Variants in CADM2 observed in about 807,000 individuals in gnomAD.
CADM2 encodes cell adhesion molecule 2, also known as immunoglobulin superfamily member 4D.
CADM2 carries 12 observed loss-of-function variants against 49.8 expected under a neutral mutation model. The ratio of observed to expected loss-of-function variants is 0.24; its 90% CI spans 0.15 to 0.39. The LOEUF (loss-of-function observed/expected upper bound fraction) is 0.39. CADM2 is among the 10% of genes least tolerant of loss of function. The pLI is 1.00. For missense variants in CADM2, 378 were observed against 492.3 expected (o/e 0.77, Z 2.20); for synonymous variants, 214 against 175.4 (o/e 1.22, Z -1.74).
intron 8 of CADM2, among the ~76,000 whole-genome samples, chr3:86,039,042 T>C (rs1217446827): frequency 6.6e-6 from 1 of 152,166 alleles, no homozygotes; most frequent in East Asian, 1.9e-4. Flanking sequence ...TAGCCCCTGT[T>C]AGGGTCTTTC....
At chr3:85,798,108 C>CGTTT (rs755599618) in intron 2 of CADM2, among the ~76,000 whole-genome samples, 237 of 151,252 alleles carry the variant, frequency 1.6e-3, no homozygotes, top group African/African-American at 5.4e-3. Context: ...TTGATGGGGT[C>CGTTT]GTTTGTTTGT....
intron 3 of CADM2, among the ~76,000 whole-genome samples, chr3:85,854,030 C>T (rs976976335): frequency 5.9e-5 from 9 of 152,174 alleles, no homozygotes; most frequent in Admixed American, 2.0e-4. Context: ...CAGATGCATA[C>T]GTGGTCAGCT....
intron 1 of CADM2, among the ~76,000 whole-genome samples, chr3:85,596,970 G>A (rs1394118987): frequency 1.3e-5 from 2 of 152,034 alleles, no homozygotes; most frequent in Admixed American, 6.6e-5. Context: ...ACCCACTTTG[G>A]CCTCCCAAAA....
intron 1 of CADM2, among the ~76,000 whole-genome samples, chr3:85,185,073 G>A (rs2041025718): frequency 6.6e-6 from 1 of 151,934 alleles, no homozygotes; most frequent in African/African-American, 2.4e-5. Context: ...TGACAGATAG[G>A]GTATTATTTT....
intron 1 of CADM2, among the ~76,000 whole-genome samples, 156 bp downstream of exon 1, chr3:84,959,824 G>A (rs60137210): frequency 4.9e-4 from 74 of 151,982 alleles, no homozygotes; most frequent in African/African-American, 1.8e-3. Context: ...GGCAGTGGCA[G>A]TTTGCACCAG....
chr3:85,862,117 A>C lies in CADM2; in HGVS notation c.239-21174A>C, dbSNP rs535182731. 2.0e-5 allele frequency among the ~76,000 whole-genome samples: 3 copies of C among 152,150 alleles called. No homozygotes were observed. The South Asian group carries it at 6.2e-4, about 32-fold the overall frequency. ...GGTCAGATAAATCACTTTGATCATAATTCTGTGTATTTTATTCTCAAAACT... is the reference window on the plus strand; with the variant it reads ...GGTCAGATAAATCACTTTGATCATACTTCTGTGTATTTTATTCTCAAAACT... On this transcript the variant is annotated intron_variant, in intron 3 of 9. Transcript: ENST00000383699.
intron 1 of CADM2, among the ~76,000 whole-genome samples, chr3:85,078,888 C>A (rs995775085): frequency 6.6e-6 from 1 of 151,658 alleles, no homozygotes. Context: ...GTCTGCACTT[C>A]CAGGGTGTCT....
At chr3:85,998,263 C>T (rs1729684914) in intron 8 of CADM2, among the ~76,000 whole-genome samples, 1 of 152,084 alleles carries the variant, frequency 6.6e-6, no homozygotes, top group Admixed American at 6.6e-5. Context: ...ATAACAACTC[C>T]ATGACTGATA....
intron 1 of CADM2, among the ~76,000 whole-genome samples, chr3:85,506,320 G>C (rs1310982360): frequency 6.6e-6 from 1 of 152,178 alleles, no homozygotes; most frequent in Non-Finnish European, 1.5e-5. Context: ...GTCAAAGTCA[G>C]AGAAGATCTA....
chr3:85,238,535 C>T lies in CADM2; in HGVS notation c.61+278867C>T, dbSNP rs181740051. 1.8e-3 allele frequency among the ~76,000 whole-genome samples: 272 copies of T among 151,998 alleles called. 1 individual carries two copies. Among genetic ancestry groups the T allele is most frequent in the African/African-American group, 6.3e-3 (261 of 41,530 alleles). On this transcript the variant is annotated intron_variant, in intron 1 of 9. Coordinates refer to ENST00000383699, the MANE Select transcript of CADM2 (RefSeq NM_001167675.2). ...TGGGATAATCTGTCTTTCCTCTGAGCTCTTTGAGTGTAGGGAAGGGCCCAA... is the reference window on the plus strand; with the variant it reads ...TGGGATAATCTGTCTTTCCTCTGAGTTCTTTGAGTGTAGGGAAGGGCCCAA...
At chr3:85,812,457 G>T (rs898338598) in intron 3 of CADM2, among the ~76,000 whole-genome samples, 11 of 152,136 alleles carry the variant, frequency 7.2e-5, no homozygotes, top group Non-Finnish European at 1.6e-4. Context: ...TGGTGACATA[G>T]TGTCTCCATG....
intron 1 of CADM2, among the ~76,000 whole-genome samples, chr3:85,585,519 C>T (rs899207793): frequency 2.6e-4 from 39 of 151,624 alleles, no homozygotes; most frequent in African/African-American, 9.0e-4. Context: ...GCTGTTTCAT[C>T]TCGAATTCTT....
intron 8 of CADM2, among the ~76,000 whole-genome samples, chr3:86,031,593 T>C (rs916589497): frequency 4.6e-5 from 7 of 151,880 alleles, no homozygotes; most frequent in Admixed American, 4.6e-4. Context: ...CATAGGTTTA[T>C]TTTTGTCTTT....
chr3:85,345,349 G>T (rs1317623147), intron 1 of CADM2, among the ~76,000 whole-genome samples: 3 of 123,922 alleles, frequency 2.4e-5, no homozygotes, highest in Non-Finnish European at 3.5e-5. Context: ...GAAAGAAAAT[G>T]CCCTGAATCA....
At chr3:85,342,157 A>T (rs1412493357) in intron 1 of CADM2, among the ~76,000 whole-genome samples, 1 of 152,138 alleles carries the variant, frequency 6.6e-6, no homozygotes, top group Non-Finnish European at 1.5e-5. Context: ...ATATTTAAAA[A>T]ATTTACTAGA....
At chr3:85,326,149 A>T (rs1457222091) in intron 1 of CADM2, among the ~76,000 whole-genome samples, 1 of 152,202 alleles carries the variant, frequency 6.6e-6, no homozygotes, top group African/African-American at 2.4e-5. Flanking sequence ...CATGGCAAAT[A>T]TTTCTCAGAG....
intron 1 of CADM2, among the ~76,000 whole-genome samples, chr3:85,264,054 G>C (rs2043069626): frequency 6.6e-6 from 1 of 151,900 alleles, no homozygotes; most frequent in South Asian, 2.1e-4. Context: ...AATTTTTCAG[G>C]TTCTCCGTTA....
intron 3 of CADM2, among the ~76,000 whole-genome samples, chr3:85,881,956 C>G (rs992438923): frequency 7.2e-5 from 11 of 152,110 alleles, no homozygotes; most frequent in Non-Finnish European, 2.9e-5. Flanking sequence ...ATAAGAAGTG[C>G]CCCTGCTGAT....
chr3:86,055,451 C>CTTTTTTT lies in CADM2; in HGVS notation c.971-10132_971-10126dup, dbSNP rs57606781. On this transcript the variant is annotated intron_variant, in intron 8 of 9. Coordinates refer to ENST00000383699, the MANE Select transcript of CADM2 (RefSeq NM_001167675.2). ...AGCAATGCAACTCTGGGCATCCCCT[C>CTTTTTTT]TTTTTTTTTTTTTTTTTTTTTTTTT... Among the ~76,000 whole-genome samples, 34 of 87,496 alleles carry CTTTTTTT rather than the reference C, an allele frequency of 3.9e-4. 1 individual carries two copies. Among genetic ancestry groups the CTTTTTTT allele is most frequent in the East Asian group, 8.2e-4 (2 of 2,442 alleles). 57.4% of individuals were successfully genotyped at this position (87,496 alleles called of 152,430 possible).
Sources: allele counts gnomAD v4.1 joint callset (sites outside exome capture counted in the v4.1 genomes callset), GRCh38; gene constraint gnomAD v4.1.1; transcripts MANE v1.5; gene names NCBI Gene and HGNC (gene_info 2026-07-23, HGNC 2026-07-21).